Variants in NT5C3A observed in about 807,000 individuals in gnomAD.
NT5C3A encodes 5'-nucleotidase, cytosolic IIIA.
A neutral mutation model predicts 40.0 loss-of-function variants in NT5C3A; 23 were observed. The ratio of observed to expected loss-of-function variants is 0.58; its 90% CI spans 0.41 to 0.81. The LOEUF (loss-of-function observed/expected upper bound fraction) is 0.81, where lower values mean the gene tolerates loss of function less well. Among genes scored for constraint, NT5C3A ranks in the 40% least tolerant of loss-of-function variants. NT5C3A has a pLI of 0.00. For missense variants in NT5C3A, 328 were observed against 403.0 expected, an observed-to-expected ratio of 0.81 and a Z score of 1.59; for synonymous variants, 130 against 141.4, an observed-to-expected ratio of 0.92 and a Z score of 0.57.
intron 7 of NT5C3A, among the ~76,000 whole-genome samples, chr7:33,016,544 C>T (rs909904350): frequency 1.3e-5 from 2 of 151,590 alleles, no homozygotes; most frequent in African/African-American, 4.8e-5. Flanking sequence ...TGGCACGCAC[C>T]TGTAATCCCA....
intron 1 of NT5C3A, among the ~76,000 whole-genome samples, chr7:33,027,307 C>A (rs1341724377): frequency 3.3e-5 from 5 of 152,176 alleles, no homozygotes; most frequent in Non-Finnish European, 5.9e-5. Flanking sequence ...TGGCCTCAAG[C>A]AATCCTCCCA....
At chr7:33,037,045 C>T (rs141900096) in intron 1 of NT5C3A, among the ~76,000 whole-genome samples, 21,673 of 152,074 alleles carry the variant, frequency 0.14, 1,988 homozygotes, top group East Asian at 0.27. Context: ...CTCCTGACCT[C>T]GTGATCCACC....
At chr7:33,023,554 C>T (rs1465116450) in intron 3 of NT5C3A, among the ~76,000 whole-genome samples, 2 of 152,076 alleles carry the variant, frequency 1.3e-5, no homozygotes, top group African/African-American at 4.8e-5. Flanking sequence ...TGACCGCACC[C>T]AGCCCCAAAA....
intron 1 of NT5C3A, among the ~76,000 whole-genome samples, chr7:33,034,372 C>T (rs1452434023): frequency 1.3e-5 from 2 of 152,064 alleles, no homozygotes; most frequent in Admixed American, 6.5e-5. Flanking sequence ...CAAGTAACAA[C>T]ATTATACAAA....
At chr7:33,043,108 T>C (rs1787000300) in intron 1 of NT5C3A, among the ~76,000 whole-genome samples, 1 of 152,234 alleles carries the variant, frequency 6.6e-6, no homozygotes, top group Admixed American at 6.5e-5. Context: ...TTAAGCCTTA[T>C]ACTTGATAAG....
At chr7:33,057,394 C>G (rs536992974) in intron 1 of NT5C3A, among the ~76,000 whole-genome samples, 1 of 151,940 alleles carries the variant, frequency 6.6e-6, no homozygotes, top group African/African-American at 2.4e-5. Flanking sequence ...CGTGGTGGTG[C>G]GTGCTTTAGT....
intron 1 of NT5C3A, chr7:33,035,983 A>C: frequency 6.2e-7 from 1 of 1,613,424 alleles, no homozygotes; most frequent in South Asian, 1.1e-5. Context: ...TTGGTTATCC[A>C]ATCTTCTGGA....
intron 6 of NT5C3A, among the ~76,000 whole-genome samples, chr7:33,018,767 G>A (rs1438776724): frequency 2.6e-5 from 4 of 151,614 alleles, no homozygotes; most frequent in Non-Finnish European, 4.4e-5. Flanking sequence ...GGAGAATGGC[G>A]TGAACCTGGG....
chr7:33,041,556 C>A (rs1242423848), intron 1 of NT5C3A, among the ~76,000 whole-genome samples: 1 of 151,812 alleles, frequency 6.6e-6, no homozygotes, highest in Non-Finnish European at 1.5e-5. Context: ...CAAATGTGGT[C>A]AAAAAACTGT....
At chr7:33,045,051 T>C (rs1787090013) in intron 1 of NT5C3A, among the ~76,000 whole-genome samples, 1 of 152,192 alleles carries the variant, frequency 6.6e-6, no homozygotes, top group Admixed American at 6.5e-5. Flanking sequence ...TATAATCCAA[T>C]TACCTTTCCA....
chr7:33,016,669 C>CAA (rs386409862), intron 7 of NT5C3A, among the ~76,000 whole-genome samples: 4,241 of 91,636 alleles, frequency 0.046, 188 homozygotes, highest in East Asian at 0.2. Flanking sequence ...GACTCCCTCT[C>CAA]AAAAAAAAAA....
rs1432864795 is a variant in NT5C3A, at chr7:33,014,205, AAAC to A, written c.*522_*524del. 1 of 454,402 alleles carries A rather than the reference AAAC, an allele frequency of 2.2e-6. No homozygotes were observed. The highest frequency in any genetic ancestry group is 2.0e-5 in the African/African-American group (1 of 50,028). 28.1% of individuals were successfully genotyped at this position (454,402 alleles called of 1,614,324 possible). On this transcript the variant is annotated 3_prime_UTR_variant, in exon 9 of 9. Coordinates refer to ENST00000610140, the MANE Select transcript of NT5C3A (RefSeq NM_001002010.5). ...GTTTTGTAATGATTAGCAACATTGT[AAAC>A]ACCACCAGGTTTTTCCAACACTAAC... is the stretch of plus-strand genomic sequence containing the variant.
intron 2 of NT5C3A, among the ~76,000 whole-genome samples, 194 bp from the exon 3 acceptor site, chr7:33,024,302 T>C (rs1170220613): frequency 6.6e-6 from 1 of 152,246 alleles, no homozygotes; most frequent in African/African-American, 2.4e-5. Context: ...CTGGGAATAA[T>C]CTTAACTACA....
rs954453208 is a variant in NT5C3A, at chr7:33,062,756, T to C, written c.-51A>G. On this transcript the variant is annotated 5_prime_UTR_variant, in exon 1 of 9. Coordinates refer to ENST00000610140, the MANE Select transcript of NT5C3A (RefSeq NM_001002010.5). ...GCAGGAAAAAAACAGGCAGCTCGCG[T>C]AGACTGCGAGTCTCGGAAGCGCGGG... 28 of 1,548,510 alleles carry C rather than the reference T, an allele frequency of 1.8e-5. No individual in the cohort carries two copies. Among genetic ancestry groups the C allele is most frequent in the Middle Eastern group, 3.7e-4 (2 of 5,464 alleles).
chr7:33,028,352 T>A (rs1786063722), intron 1 of NT5C3A, among the ~76,000 whole-genome samples: 1 of 152,210 alleles, frequency 6.6e-6, no homozygotes, highest in Admixed American at 6.5e-5. Context: ...TATTTCTTGT[T>A]ACTAGCTATT....
intron 3 of NT5C3A, among the ~76,000 whole-genome samples, chr7:33,022,796 T>C (rs1785698426): frequency 6.6e-6 from 1 of 152,234 alleles, no homozygotes; most frequent in Non-Finnish European, 1.5e-5. Flanking sequence ...CTATTAGTAA[T>C]AATTTTATGT....
rs1276762362 is a variant in NT5C3A at position 33,015,711 on chromosome 7, T to G, written c.853A>C (p.Asn285His). The G allele has an allele frequency of 1.9e-6, 3 of 1,611,540 alleles. No homozygotes were observed. In the East Asian group the frequency reaches 6.7e-5, roughly 36 times the overall value. The change falls in exon 8 of 9, where the codon AAT becomes CAT. Residue 285 changes from asparagine (N) to histidine (H), a missense_variant. Physicochemically the swap from Asn to His is moderately conservative, Grantham distance 68. Coordinates refer to ENST00000610140, the MANE Select transcript of NT5C3A (RefSeq NM_001002010.5). Reference protein sequence around the residue: ...GDLRMADGVANVEHILKIGYL... With the variant: ...GDLRMADGVAHVEHILKIGYL... Reference sequence around the variant, plus strand: ...CCAATTTTCAGAATGTGCTCAACATTGGCCACTCCATCTGCCATTCTTAAG... The same window carrying G: ...CCAATTTTCAGAATGTGCTCAACATGGGCCACTCCATCTGCCATTCTTAAG...
chr7:33,032,408 G>C (rs1786320338), intron 1 of NT5C3A, among the ~76,000 whole-genome samples: 1 of 133,220 alleles, frequency 7.5e-6, no homozygotes, highest in African/African-American at 2.9e-5. Context: ...GGGTGACAGA[G>C]TGAGACTCGG....
At chr7:33,062,494 A>T (rs1583981094) in intron 1 of NT5C3A, 74 bp downstream of exon 1, 2 of 1,377,142 alleles carry the variant, frequency 1.5e-6, no homozygotes, top group East Asian at 4.8e-5. Flanking sequence ...GCGGCCCAGC[A>T]CAGGCTGCCG....
Sources: gnomAD v4.1 joint callset for allele counts (sites outside exome capture counted in the v4.1 genomes callset) on GRCh38, gnomAD v4.1.1 for gene constraint, MANE v1.5 for transcripts, NCBI Gene and HGNC (gene_info 2026-07-23, HGNC 2026-07-21) for gene names.